The following PPP6R3 variants were observed in gnomAD, a reference collection of about 807,000 sequenced individuals.
PPP6R3 encodes protein phosphatase 6 regulatory subunit 3, also known as serine/threonine-protein phosphatase 6 regulatory subunit 3.
Under a neutral mutation model 110.7 loss-of-function variants are expected in PPP6R3, and 38 were observed. That is an observed-to-expected ratio of 0.34 (90% CI 0.26 to 0.45). The LOEUF is 0.45. PPP6R3 is among the 20% of genes least tolerant of loss of function. PPP6R3 has a pLI of 1.00. For missense variants in PPP6R3, 870 were observed against 1,062.4 expected (o/e 0.82, Z 2.52); for synonymous variants, 369 against 373.5 (o/e 0.99, Z 0.14).
intron 3 of PPP6R3, among the ~76,000 whole-genome samples, chr11:68,542,397 T>TTTG (rs1457109092): frequency 1.8e-5 from 2 of 111,100 alleles, no homozygotes; most frequent in East Asian, 2.7e-4. Context: ...CTGTTTTTTT[T>TTTG]TTTTTTTTTT....
rs539932333 is a variant in PPP6R3 at position 68,518,104 on chromosome 11, T to A, written c.-157-1397T>A. On this transcript the variant is annotated intron_variant, in intron 1 of 23. Coordinates refer to ENST00000393800, the MANE Select transcript of PPP6R3 (RefSeq NM_001164161.2). ...ATTTTCATAACTGAATATCAATTGA[T>A]TCAGACAAGAATTGCCAGTTGGCAC... 6.6e-5 allele frequency among the ~76,000 whole-genome samples: 10 copies of A among 152,296 alleles called. No individual in the cohort carries two copies. The East Asian group carries it at 1.9e-3, about 29-fold the overall frequency.
chr11:68,550,236 T>C (rs2153694271), intron 5 of PPP6R3, among the ~76,000 whole-genome samples: 1 of 152,324 alleles, frequency 6.6e-6, no homozygotes, highest in Non-Finnish European at 1.5e-5. Context: ...GCCTACCTAA[T>C]AGCTTCACAT....
chr11:68,585,797 AATAG>A (rs904038353), intron 15 of PPP6R3, among the ~76,000 whole-genome samples: 2 of 152,354 alleles, frequency 1.3e-5, no homozygotes, highest in Non-Finnish European at 1.5e-5. Flanking sequence ...CAGATGGATG[AATAG>A]ATAAATATAT....
chr11:68,474,889 A>G (rs1218043971), intron 1 of PPP6R3, among the ~76,000 whole-genome samples: 3 of 151,976 alleles, frequency 2.0e-5, no homozygotes, highest in African/African-American at 7.2e-5. Context: ...TGTAATCACT[A>G]ATATTTAACT....
At chr11:68,487,236 G>T (rs113241299) in intron 1 of PPP6R3, among the ~76,000 whole-genome samples, 1 of 152,070 alleles carries the variant, frequency 6.6e-6, no homozygotes, top group Non-Finnish European at 1.5e-5. Flanking sequence ...TGTTTTTGCT[G>T]TATCCCACAA....
At chr11:68,471,158 C>G (rs1292252766) in intron 1 of PPP6R3, among the ~76,000 whole-genome samples, 1 of 151,578 alleles carries the variant, frequency 6.6e-6, no homozygotes, top group Non-Finnish European at 1.5e-5. Context: ...GTGGTGGGTG[C>G]CTGTAGTTCC....
chr11:68,491,558 C>G (rs935036660), intron 1 of PPP6R3, among the ~76,000 whole-genome samples: 1 of 151,880 alleles, frequency 6.6e-6, no homozygotes, highest in Non-Finnish European at 1.5e-5. Flanking sequence ...CTGTGTTGCC[C>G]AGGCTGGTCC....
At chr11:68,541,344 T>C (rs1344950730) in intron 3 of PPP6R3, among the ~76,000 whole-genome samples, 2 of 152,170 alleles carry the variant, frequency 1.3e-5, no homozygotes, top group Non-Finnish European at 2.9e-5. Context: ...GCTGCAGTGA[T>C]CAGCAGAGAA....
intron 22 of PPP6R3, among the ~76,000 whole-genome samples, chr11:68,608,680 C>T (rs563644095): frequency 1.3e-5 from 2 of 152,318 alleles, no homozygotes; most frequent in Admixed American, 6.5e-5. Flanking sequence ...GGTAGGTGCA[C>T]GCCACGGGTG....
chr11:68,569,320 T>G (rs187620174), intron 10 of PPP6R3, among the ~76,000 whole-genome samples: 1 of 152,326 alleles, frequency 6.6e-6, no homozygotes, highest in East Asian at 1.9e-4. Context: ...CCAAGACTCC[T>G]TTGGATGCCT....
At chr11:68,555,998 C>T (rs1028927875) in intron 7 of PPP6R3, among the ~76,000 whole-genome samples, 5 of 152,102 alleles carry the variant, frequency 3.3e-5, no homozygotes, top group Admixed American at 1.3e-4. Context: ...TTTTAGTAAA[C>T]TTATTAATCA....
intron 1 of PPP6R3, among the ~76,000 whole-genome samples, chr11:68,517,360 G>A (rs944605194): frequency 6.6e-5 from 10 of 152,068 alleles, no homozygotes; most frequent in Non-Finnish European, 1.5e-4. Context: ...TTCCTTCCCA[G>A]CTTTGTTTGC....
chr11:68,551,238 CTGTT>C (rs1565785264), intron 6 of PPP6R3, 52 bp downstream of exon 6: 3 of 1,371,138 alleles, frequency 2.2e-6, no homozygotes, highest in Non-Finnish European at 3.1e-6. Context: ...AAACAAAAAA[CTGTT>C]TATTGGGCAC....
At chr11:68,570,970 G>T (rs974886639) in intron 11 of PPP6R3, 70 bp from the exon 12 acceptor site, 3 of 1,523,916 alleles carry the variant, frequency 2.0e-6, no homozygotes, top group Non-Finnish European at 2.6e-6. Flanking sequence ...CTTTAACCTA[G>T]AGTTCTGTTT....
chr11:68,497,256 G>A (rs1391300548), intron 1 of PPP6R3, among the ~76,000 whole-genome samples: 145 of 145,448 alleles, frequency 1.0e-3, no homozygotes, highest in African/African-American at 3.3e-3. Flanking sequence ...GGGTTTCACC[G>A]TGTTAGCCAG....
chr11:68,603,636 C>A, intron 22 of PPP6R3, 144 bp downstream of exon 22: 1 of 1,050,582 alleles, frequency 9.5e-7, no homozygotes, highest in Non-Finnish European at 1.4e-6. Flanking sequence ...CCATTAAACA[C>A]AATAAATCTT....
Position 68,558,621 on chromosome 11 carries a change from T to G in PPP6R3, c.787T>G (p.Ser263Ala). Residue 263 changes from serine to alanine, a missense_variant, in exon 8 of 24, where the codon TCA becomes GCA. Coordinates refer to ENST00000393800, the MANE Select transcript of PPP6R3 (RefSeq NM_001164161.2). Reference sequence around the variant, plus strand: ...TATTTTCCACAAGGAGAAAAATGAGTCAGCCATAGTCAGTGCAATCCAGAT... The same window carrying G: ...TATTTTCCACAAGGAGAAAAATGAGGCAGCCATAGTCAGTGCAATCCAGAT... ...SNIFHKEKNE[S>A]AIVSAIQILL... The G allele has an allele frequency of 6.2e-7, 1 of 1,613,230 alleles. No individual in the cohort carries two copies. Among genetic ancestry groups the G allele is most frequent in the Non-Finnish European group, 8.5e-7 (1 of 1,179,750 alleles).
At chr11:68,528,440 G>GT (rs201128828) in intron 2 of PPP6R3, among the ~76,000 whole-genome samples, 1 of 145,766 alleles carries the variant, frequency 6.9e-6, no homozygotes, top group South Asian at 2.4e-4. Context: ...GTGTGGGGGG[G>GT]GGGGCTGCAC....
chr11:68,613,081 C>T lies in PPP6R3; in HGVS notation c.2586C>T (p.Ser862=), dbSNP rs771863778. The T allele has an allele frequency of 8.1e-6, 13 of 1,614,122 alleles. No homozygotes were observed. The highest frequency in any genetic ancestry group is 2.2e-5 in the East Asian group (1 of 44,884). ...TGCTCCTTAGGACTGGCCAACCAAG[C>T]GCACCAGGTGACACTTCAGTGAATG... ...SSPEQRTGQP[S]APGDTSVNGP... is the part of the protein sequence containing the mutation. The change falls in exon 24 of 24, where the codon AGC becomes AGT. Residue 862 remains serine (S), a synonymous_variant. Coordinates refer to ENST00000393800, the MANE Select transcript of PPP6R3 (RefSeq NM_001164161.2).
Sources: gnomAD v4.1 joint callset for allele counts (sites outside exome capture counted in the v4.1 genomes callset) on GRCh38, gnomAD v4.1.1 for gene constraint, MANE v1.5 for transcripts, NCBI Gene and HGNC (gene_info 2026-07-23, HGNC 2026-07-21) for gene names.